The following PPIG variants were observed in gnomAD, a reference collection of about 807,000 sequenced individuals.
PPIG encodes the protein peptidylprolyl isomerase G, also known as peptidyl-prolyl cis-trans isomerase G.
PPIG carries 26 observed loss-of-function variants against 87.9 expected under a neutral mutation model. The observed-to-expected ratio is 0.30, with a 90% CI of 0.22 to 0.41. The LOEUF (loss-of-function observed/expected upper bound fraction) is 0.41, where lower values mean the gene tolerates loss of function less well. PPIG is among the 10% of genes least tolerant of loss of function. PPIG has a pLI of 1.00. For missense variants in PPIG, 722 were observed against 879.4 expected, an observed-to-expected ratio of 0.82 and a Z score of 2.26; for synonymous variants, 308 against 276.5, an observed-to-expected ratio of 1.11 and a Z score of -1.13.
At chr2:169,595,429 T>C (rs1487745565) in intron 1 of PPIG, among the ~76,000 whole-genome samples, 1 of 152,220 alleles carries the variant, frequency 6.6e-6, no homozygotes, top group African/African-American at 2.4e-5. Context: ...AGTTATACTC[T>C]TTATTTTTAA....
intron 1 of PPIG, among the ~76,000 whole-genome samples, chr2:169,595,289 G>A (rs998369953): frequency 2.0e-5 from 3 of 151,978 alleles, no homozygotes; most frequent in African/African-American, 7.3e-5. Context: ...AATTTTTGTG[G>A]GTACATAGTA....
Position 169,637,673 on chromosome 2 carries a change from G to T in PPIG, c.*150G>T. 1.3e-6 allele frequency: 1 copy of T among 790,416 alleles called. No homozygotes were observed. Among genetic ancestry groups the T allele is most frequent in the Non-Finnish European group, 1.9e-6 (1 of 534,864 alleles). 49.0% of individuals were successfully genotyped at this position (790,416 alleles called of 1,614,324 possible). A position where few individuals can be genotyped will look rare whatever the true frequency, so the allele number is the denominator to read the frequency against. ...TTCTTAATGTGGATTTCATTGAGTT[G>T]ATTTTTTGATAATCTGCAATCTGGA... On this transcript the variant is annotated 3_prime_UTR_variant, in exon 14 of 14. Coordinates refer to ENST00000260970, the MANE Select transcript of PPIG (RefSeq NM_004792.3).
chr2:169,589,194 A>G (rs1484031988), intron 1 of PPIG, among the ~76,000 whole-genome samples: 1 of 152,160 alleles, frequency 6.6e-6, no homozygotes, highest in Non-Finnish European at 1.5e-5. Context: ...TAAGAATTTC[A>G]GAAGTGTCTA....
intron 1 of PPIG, among the ~76,000 whole-genome samples, chr2:169,585,931 A>G (rs1684690886): frequency 6.6e-6 from 1 of 152,138 alleles, no homozygotes; most frequent in South Asian, 2.1e-4. Flanking sequence ...GCTACTTTGT[A>G]ACAATGACGG....
At chr2:169,592,942 T>A (rs1163717380) in intron 1 of PPIG, among the ~76,000 whole-genome samples, 1 of 152,180 alleles carries the variant, frequency 6.6e-6, no homozygotes, top group African/African-American at 2.4e-5. Context: ...TTCAAGGGAT[T>A]TGTGTAGTAA....
At chr2:169,634,341 C>T (rs1467966247) in intron 12 of PPIG, among the ~76,000 whole-genome samples, 2 of 152,156 alleles carry the variant, frequency 1.3e-5, no homozygotes, top group Admixed American at 6.5e-5. Context: ...GAATTACAGG[C>T]GTGAGCCACC....
intron 11 of PPIG, among the ~76,000 whole-genome samples, chr2:169,632,770 A>G (rs1033975206): frequency 4.6e-5 from 7 of 151,808 alleles, no homozygotes; most frequent in Non-Finnish European, 7.4e-5. Context: ...AATAATAACT[A>G]TGTCCAAAAG....
At chr2:169,631,982 T>G (rs186710450) in intron 11 of PPIG, 49 bp downstream of exon 11, 2 of 1,396,560 alleles carry the variant, frequency 1.4e-6, no homozygotes, top group Non-Finnish European at 1.9e-6. Flanking sequence ...ATAGAACTTT[T>G]CTTTTTAAAA....
intron 4 of PPIG, among the ~76,000 whole-genome samples, chr2:169,604,558 G>T (rs945119630): frequency 9.2e-5 from 14 of 151,886 alleles, no homozygotes; most frequent in Non-Finnish European, 1.9e-4. Flanking sequence ...AGTGACTAGG[G>T]CGTGAAAGTA....
chr2:169,631,421 C>T (rs776251276), intron 10 of PPIG: 1 of 367,142 alleles, frequency 2.7e-6, no homozygotes, highest in Non-Finnish European at 4.3e-6. Flanking sequence ...TAAAACTTGT[C>T]TTCATCTGCC....
rs1686201207 is a variant in PPIG at position 169,637,108 on chromosome 2, G to A, written c.1850G>A (p.Arg617Lys). The change falls in exon 14 of 14, where the codon AGA (arginine) becomes AAA (lysine). Residue 617 changes from arginine to lysine, a missense_variant. By Grantham distance (26) the Arg-to-Lys change is conservative (BLOSUM62 2). This residue lies in a region of PPIG where 476 missense variants were observed against 483.1 expected (regional missense o/e 0.99). Transcript: ENST00000260970. Reference sequence around the variant, plus strand: ...AGAAGAACACCACCAGGAAGATCAAGAAGTAAAGATAGGAGGAGAAGGAGG... The same window carrying A: ...AGAAGAACACCACCAGGAAGATCAAAAAGTAAAGATAGGAGGAGAAGGAGG... Reference protein sequence around the residue: ...RERRTPPGRSRSKDRRRRRRD... With the variant: ...RERRTPPGRSKSKDRRRRRRD... 4 of 1,612,808 alleles carry A rather than the reference G, an allele frequency of 2.5e-6. No individual in the cohort carries two copies. In the East Asian group the frequency reaches 6.7e-5, roughly 27 times the overall value.
rs1396000804 is a variant in PPIG, at chr2:169,638,465, C to A, written c.*942C>A. The A allele has an allele frequency of 6.6e-6, 1 of 151,878 alleles. No individual in the cohort carries two copies. The highest frequency in any genetic ancestry group is 1.5e-5 in the Non-Finnish European group (1 of 67,888). 9.4% of individuals were successfully genotyped at this position (151,878 alleles called of 1,614,324 possible). Reference sequence around the variant, plus strand: ...AGATTTCTCTTTTTTGGCCTCCAACCTATATAGAATTGAGTGTTAACTCTG... The same window carrying A: ...AGATTTCTCTTTTTTGGCCTCCAACATATATAGAATTGAGTGTTAACTCTG... On this transcript the variant is annotated 3_prime_UTR_variant, in exon 14 of 14. Coordinates refer to ENST00000260970, the MANE Select transcript of PPIG (RefSeq NM_004792.3).
At chr2:169,621,368 A>G (rs1261689541) in intron 9 of PPIG, among the ~76,000 whole-genome samples, 1 of 152,050 alleles carries the variant, frequency 6.6e-6, no homozygotes, top group Non-Finnish European at 1.5e-5. Context: ...ATAAATATTC[A>G]CAGGTAAGTT....
chr2:169,619,764 A>G (rs536226984), intron 9 of PPIG, among the ~76,000 whole-genome samples: 30 of 151,628 alleles, frequency 2.0e-4, no homozygotes, highest in Non-Finnish European at 4.0e-4. Context: ...TTTTTTTTAT[A>G]ATAGCCATTG....
intron 9 of PPIG, among the ~76,000 whole-genome samples, chr2:169,624,918 A>C (rs1685846219): frequency 6.6e-6 from 1 of 152,172 alleles, no homozygotes; most frequent in Non-Finnish European, 1.5e-5. Flanking sequence ...GAGTCAGCTG[A>C]AAACAACTGT....
At chr2:169,608,650 G>T in intron 6 of PPIG, 21 bp from the exon 7 acceptor site, 1 of 1,557,524 alleles carries the variant, frequency 6.4e-7, no homozygotes, top group South Asian at 1.1e-5. Flanking sequence ...TAATGTAACT[G>T]AAAACTTTAC....
At chr2:169,628,492 T>C (rs1685953861) in intron 9 of PPIG, among the ~76,000 whole-genome samples, 1 of 152,142 alleles carries the variant, frequency 6.6e-6, no homozygotes, top group South Asian at 2.1e-4. Flanking sequence ...TTTAGTATAT[T>C]CCTGTAAATT....
intron 4 of PPIG, among the ~76,000 whole-genome samples, chr2:169,604,731 A>G (rs1036700888): frequency 1.3e-5 from 2 of 151,398 alleles, no homozygotes; most frequent in African/African-American, 4.9e-5. Context: ...AAAATTAGCC[A>G]AATGTGGTGG....
intron 2 of PPIG, 80 bp downstream of exon 2, chr2:169,603,774 A>G: frequency 2.2e-6 from 1 of 449,346 alleles, no homozygotes; most frequent in Non-Finnish European, 4.0e-6. Flanking sequence ...ATTCCGGTTG[A>G]TAAATAGAAA....
Sources: allele counts gnomAD v4.1 joint callset (sites outside exome capture counted in the v4.1 genomes callset), GRCh38; gene constraint gnomAD v4.1.1; regional missense constraint gnomAD v4.1.1; transcripts MANE v1.5; gene names NCBI Gene and HGNC (gene_info 2026-07-23, HGNC 2026-07-21).